Variants in AHCYL2 observed in about 807,000 individuals in gnomAD.
AHCYL2 encodes S-adenosylhomocysteine hydrolase-like protein 2.
In AHCYL2, 28 loss-of-function variants were observed where a neutral mutation model predicts 81.4. The ratio of observed to expected loss-of-function variants is 0.34; its 90% CI spans 0.25 to 0.47. The LOEUF is 0.47. AHCYL2 is among the 20% of genes least tolerant of loss of function. The pLI is 1.00. For missense variants in AHCYL2, 551 were observed against 785.1 expected (o/e 0.70, Z 3.56); for synonymous variants, 272 against 290.2 (o/e 0.94, Z 0.64).
At chr7:129,330,575 A>G (rs1798383176) in intron 1 of AHCYL2, among the ~76,000 whole-genome samples, 2 of 148,120 alleles carry the variant, frequency 1.4e-5, no homozygotes, top group Admixed American at 1.4e-4. Flanking sequence ...GGTTCACGCC[A>G]TTCTCCTGTC....
At chr7:129,408,643 G>T (rs1050285698) in intron 10 of AHCYL2, among the ~76,000 whole-genome samples, 3 of 152,190 alleles carry the variant, frequency 2.0e-5, no homozygotes, top group African/African-American at 4.8e-5. Flanking sequence ...GCTTCAGAGA[G>T]ATCTAAGCTA....
chr7:129,356,466 G>A (rs373338995), intron 1 of AHCYL2, among the ~76,000 whole-genome samples: 2 of 152,218 alleles, frequency 1.3e-5, no homozygotes, highest in East Asian at 1.9e-4. Context: ...CATTGTGTGT[G>A]TAGGGGAACC....
chr7:129,300,884 G>T (rs989013250), intron 1 of AHCYL2, among the ~76,000 whole-genome samples: 5 of 152,148 alleles, frequency 3.3e-5, no homozygotes, highest in African/African-American at 1.2e-4. Context: ...GCCCAGGCTG[G>T]AGCGCAGTGG....
At chr7:129,350,714 C>CTTTTTTT (rs56115169) in intron 1 of AHCYL2, among the ~76,000 whole-genome samples, 11 of 122,128 alleles carry the variant, frequency 9.0e-5, no homozygotes, top group South Asian at 2.5e-4. Context: ...TTCTTTCTTT[C>CTTTTTTT]TTTTTTTTTT....
chr7:129,386,462 CAA>C (rs574468187), intron 2 of AHCYL2, among the ~76,000 whole-genome samples: 24 of 124,076 alleles, frequency 1.9e-4, no homozygotes, highest in Non-Finnish European at 1.9e-4. Context: ...GACCCTGGCT[CAA>C]AAAAAAAAAA....
At chr7:129,274,438 T>G (rs1287061916) in intron 1 of AHCYL2, among the ~76,000 whole-genome samples, 1 of 152,178 alleles carries the variant, frequency 6.6e-6, no homozygotes, top group Non-Finnish European at 1.5e-5. Flanking sequence ...TGAGTGTATT[T>G]TGCATGTGGG....
intron 1 of AHCYL2, among the ~76,000 whole-genome samples, chr7:129,262,507 C>T (rs906052051): frequency 1.3e-5 from 2 of 152,140 alleles, no homozygotes; most frequent in Non-Finnish European, 2.9e-5. Flanking sequence ...TGTAGACTGG[C>T]CAGAACCACT....
chr7:129,396,495 C>T lies in AHCYL2; in HGVS notation c.721-727C>T, dbSNP rs1256279173. ...GGAGTGCAATGGTGCAATCTCAGCT[C>T]ACTGCAATCTTCGCCTCACCGTTTC... On this transcript the variant is annotated intron_variant, in intron 4 of 16. Coordinates refer to ENST00000325006, the MANE Select transcript of AHCYL2 (RefSeq NM_015328.4). 3.9e-5 allele frequency among the ~76,000 whole-genome samples: 6 copies of T among 152,002 alleles called. No homozygotes were observed. The East Asian group carries it at 1.2e-3, about 29-fold the overall frequency.
chr7:129,374,671 G>A (rs941142124), intron 1 of AHCYL2, among the ~76,000 whole-genome samples: 3 of 151,992 alleles, frequency 2.0e-5, no homozygotes, highest in African/African-American at 7.3e-5. Context: ...AGCCCGCGTG[G>A]TGGCACATGC....
chr7:129,226,692 G>A (rs1794234957), intron 1 of AHCYL2, among the ~76,000 whole-genome samples: 1 of 152,232 alleles, frequency 6.6e-6, no homozygotes, highest in East Asian at 1.9e-4. Context: ...TGATAAGTCA[G>A]AGGCAAGACT....
chr7:129,408,003 C>T (rs1796384320), intron 10 of AHCYL2, among the ~76,000 whole-genome samples: 1 of 152,206 alleles, frequency 6.6e-6, no homozygotes, highest in Non-Finnish European at 1.5e-5. Flanking sequence ...ATTTAAGAAG[C>T]TAGAAATATT....
chr7:129,388,606 AT>A (rs906762789), intron 2 of AHCYL2, among the ~76,000 whole-genome samples: 1 of 152,184 alleles, frequency 6.6e-6, no homozygotes, highest in Non-Finnish European at 1.5e-5. Context: ...GTGGTTCTTA[AT>A]TACTTTCCCA....
At chr7:129,300,963 G>A (rs1209142169) in intron 1 of AHCYL2, among the ~76,000 whole-genome samples, 1 of 152,132 alleles carries the variant, frequency 6.6e-6, no homozygotes, top group Non-Finnish European at 1.5e-5. Flanking sequence ...CTGCCAAGTA[G>A]TTGGGATTAC....
chr7:129,311,451 A>G (rs914942736), intron 1 of AHCYL2, among the ~76,000 whole-genome samples: 1 of 152,216 alleles, frequency 6.6e-6, no homozygotes, highest in African/African-American at 2.4e-5. Context: ...TGAATTCCAG[A>G]CTTGCATCTC....
intron 1 of AHCYL2, among the ~76,000 whole-genome samples, chr7:129,262,991 C>T (rs548927885): frequency 6.6e-6 from 1 of 152,114 alleles, no homozygotes; most frequent in Non-Finnish European, 1.5e-5. Flanking sequence ...AAAGAAAGGG[C>T]CTTATATTCT....
intron 2 of AHCYL2, among the ~76,000 whole-genome samples, chr7:129,387,516 AT>A (rs1795256293): frequency 6.6e-6 from 1 of 152,228 alleles, no homozygotes; most frequent in African/African-American, 2.4e-5. Flanking sequence ...AGAATTTGAG[AT>A]TTCAGGATAT....
chr7:129,319,626 T>C (rs541081641), intron 1 of AHCYL2, among the ~76,000 whole-genome samples: 102 of 152,332 alleles, frequency 6.7e-4, no homozygotes, highest in South Asian at 2.9e-3. Context: ...CAATTACTTA[T>C]CTGCTGTCTT....
intron 1 of AHCYL2, among the ~76,000 whole-genome samples, chr7:129,278,324 C>T (rs2150736499): frequency 1.3e-5 from 2 of 152,252 alleles, no homozygotes; most frequent in Middle Eastern, 6.8e-3. Context: ...GATCCTCCTC[C>T]ATCAGTCTCC....
intron 1 of AHCYL2, among the ~76,000 whole-genome samples, chr7:129,379,052 G>A (rs748552566): frequency 2.6e-5 from 4 of 152,034 alleles, no homozygotes; most frequent in Non-Finnish European, 5.9e-5. Context: ...AGGCCAAGGT[G>A]GGTGAATCAC....
Sources: allele counts gnomAD v4.1 joint callset (sites outside exome capture counted in the v4.1 genomes callset), GRCh38; gene constraint gnomAD v4.1.1; transcripts MANE v1.5; gene names NCBI Gene and HGNC (gene_info 2026-07-23, HGNC 2026-07-21).